ZFP41: variants seen among roughly 807,000 people sequenced by gnomAD.
ZFP41 encodes ZFP41 zinc finger protein.
A neutral mutation model predicts 11.6 loss-of-function variants in ZFP41; 10 were observed. The observed-to-expected ratio is 0.86, with a 90% confidence interval of 0.53 to 1.47. ZFP41 has a LOEUF of 1.47. Ranked by LOEUF, ZFP41 falls within the 40% of genes most tolerant of loss-of-function variation. The pLI is 0.00. For synonymous variants in ZFP41, 123 were observed against 100.9 expected, an observed-to-expected ratio of 1.22 and a Z score of -1.31; for missense variants, 302 against 264.6, an observed-to-expected ratio of 1.14 and a Z score of -0.98.
At chr8:143,257,438 A>G (rs1448834079) in intron 2 of ZFP41, among the ~76,000 whole-genome samples, 1 of 152,234 alleles carries the variant, frequency 6.6e-6, no homozygotes, top group Non-Finnish European at 1.5e-5. Flanking sequence ...CGGAGGTTGC[A>G]GTGAGCCAAG....
At position 143,260,355 on chromosome 8, in the gene ZFP41, A is replaced by G. The variant is rs1342738061; in HGVS notation, c.*1481A>G. 1 of 155,018 alleles carries G rather than the reference A, an allele frequency of 6.5e-6. No individual in the cohort carries two copies. The highest frequency in any genetic ancestry group is 2.4e-5 in the African/African-American group (1 of 41,484). 9.6% of individuals were successfully genotyped at this position (155,018 alleles called of 1,614,324 possible). Reference sequence around the variant, plus strand: ...ACTGTCCTCAGGCCACTGCAGAGCCATCCTAGTGGGGCAGTGGGCGCGGGG... The same window carrying G: ...ACTGTCCTCAGGCCACTGCAGAGCCGTCCTAGTGGGGCAGTGGGCGCGGGG... On this transcript the variant is annotated 3_prime_UTR_variant, in exon 3 of 3. Transcript: ENST00000330701.
chr8:143,253,537 T>C (rs1814830148), intron 2 of ZFP41: 1 of 152,098 alleles, frequency 6.6e-6, no homozygotes, highest in African/African-American at 2.4e-5. Flanking sequence ...CAGATGTCAA[T>C]GGCATATGAA....
Position 143,250,528 on chromosome 8 carries a change from G to C in ZFP41, c.*88G>C. 2 of 1,538,666 alleles carry C rather than the reference G, an allele frequency of 1.3e-6. No individual in the cohort carries two copies. Among genetic ancestry groups the C allele is most frequent in the Non-Finnish European group, 1.7e-6 (2 of 1,143,464 alleles). On this transcript the variant is annotated 3_prime_UTR_variant, in exon 2 of 3. Transcript: ENST00000330701. ...CTCCCTCGTGTCCCGCGTCTGATGG[G>C]GGCGCAGGGCCGTGCGCACTGTGTT... is the stretch of plus-strand genomic sequence containing the variant.
chr8:143,250,314 T>G lies in ZFP41; in HGVS notation c.471T>G (p.Asn157Lys). ...ECGKAFNCGS[N>K]LLKHQKTHTG... ...GGAAAGCCTTTAACTGCGGCTCCAATCTCCTGAAACATCAGAAGACGCACA... is the reference window on the plus strand; with the variant it reads ...GGAAAGCCTTTAACTGCGGCTCCAAGCTCCTGAAACATCAGAAGACGCACA... Residue 157 changes from asparagine to lysine, a missense_variant, in exon 2 of 3, where the codon AAT (asparagine) becomes AAG (lysine). Transcript: ENST00000330701. The G allele has an allele frequency of 1.2e-6, 2 of 1,613,830 alleles. No homozygotes were observed. Among genetic ancestry groups the G allele is most frequent in the Non-Finnish European group, 1.7e-6 (2 of 1,179,990 alleles).
rs1441360019 is a variant in ZFP41, at chr8:143,250,479, C to A, written c.*39C>A. The A allele has an allele frequency of 6.3e-7, 1 of 1,583,244 alleles. No individual in the cohort carries two copies. The highest frequency in any genetic ancestry group is 1.7e-5 in the Admixed American group (1 of 57,870). On this transcript the variant is annotated 3_prime_UTR_variant, in exon 2 of 3. Transcript: ENST00000330701. Reference sequence around the variant, plus strand: ...GCGGACTCGGGCCCTGCGGTGCGAGCCTCGCCGGACACCTGCTCCGTGGCT... The same window carrying A: ...GCGGACTCGGGCCCTGCGGTGCGAGACTCGCCGGACACCTGCTCCGTGGCT...
At chr8:143,251,369 C>G (rs1814750165) in intron 2 of ZFP41, 29 bp downstream of exon 2, 1 of 157,594 alleles carries the variant, frequency 6.3e-6, no homozygotes, top group Admixed American at 6.5e-5. Context: ...TGCCTGTACC[C>G]AGTCCTGTCC....
rs1164079724 is a variant in ZFP41 at position 143,246,982 on chromosome 8, T to C, written c.-315T>C. Reference sequence around the variant, plus strand: ...GGGCCGACGGGGACGCTGGCACTGGTGGGGAGCTGTTGGGGGGTCCCGCAT... The same window carrying C: ...GGGCCGACGGGGACGCTGGCACTGGCGGGGAGCTGTTGGGGGGTCCCGCAT... On this transcript the variant is annotated 5_prime_UTR_variant, in exon 1 of 3. Transcript: ENST00000330701. 1 of 152,364 alleles carries C rather than the reference T, an allele frequency of 6.6e-6. No homozygotes were observed. The highest frequency in any genetic ancestry group is 1.5e-5 in the Non-Finnish European group (1 of 68,184). The allele number at this position is 152,364 out of a possible 1,614,324, so 9.4% of individuals were successfully genotyped here.
chr8:143,252,437 G>A (rs1814788652), intron 2 of ZFP41, among the ~76,000 whole-genome samples: 1 of 152,238 alleles, frequency 6.6e-6, no homozygotes, highest in Admixed American at 6.5e-5. Context: ...TTGGGTTGAG[G>A]CTGTGTTGGC....
At chr8:143,258,402 CAG>C (rs1459257984) in intron 2 of ZFP41, among the ~76,000 whole-genome samples, 1 of 152,158 alleles carries the variant, frequency 6.6e-6, no homozygotes, top group Admixed American at 6.5e-5. Flanking sequence ...GAGAAGGACT[CAG>C]AGATGGCAGA....
chr8:143,252,558 T>G (rs965576274), intron 2 of ZFP41: 1 of 755,842 alleles, frequency 1.3e-6, no homozygotes, highest in Non-Finnish European at 1.6e-6. Flanking sequence ...CCGTGGCGCC[T>G]GTGGCCTCCT....
Position 143,249,965 on chromosome 8 carries a change from C to G in ZFP41, c.122C>G (p.Thr41Ser). ...GACAGAAAGCCACCTGAGAGGCCCA[C>G]TGTGCCCAGGAAGCCCCGCACAGAG... Reference protein sequence around the residue: ...SGDRKPPERPTVPRKPRTEPC... With the variant: ...SGDRKPPERPSVPRKPRTEPC... The change falls in exon 2 of 3, where the codon ACT (threonine) becomes AGT (serine). Residue 41 changes from threonine to serine, a missense_variant. Transcript: ENST00000330701. 6.2e-7 allele frequency: 1 copy of G among 1,614,118 alleles called. No homozygotes were observed. The highest frequency in any genetic ancestry group is 8.5e-7 in the Non-Finnish European group (1 of 1,179,994).
intron 2 of ZFP41, among the ~76,000 whole-genome samples, chr8:143,251,574 C>T (rs771585224): frequency 1.3e-5 from 2 of 152,228 alleles, no homozygotes; most frequent in East Asian, 3.8e-4. Flanking sequence ...ACACTAATCA[C>T]GGCCCTAGTC....
intron 2 of ZFP41, among the ~76,000 whole-genome samples, chr8:143,255,599 C>T (rs1292763598): frequency 2.2e-5 from 3 of 139,070 alleles, no homozygotes; most frequent in African/African-American, 8.3e-5. Flanking sequence ...GCTCGCCCCG[C>T]GTCTAGTGTT....
rs1443788147 is a variant in ZFP41, at chr8:143,262,553, G to A, written c.*3679G>A. On this transcript the variant is annotated 3_prime_UTR_variant, in exon 3 of 3. Transcript: ENST00000330701. Reference sequence around the variant, plus strand: ...GATAAGCATCCGTTTGTTTTCAGCTGCGCTTTCTGTGACTTGCTCTGCGTG... The same window carrying A: ...GATAAGCATCCGTTTGTTTTCAGCTACGCTTTCTGTGACTTGCTCTGCGTG... 1 of 152,342 alleles carries A rather than the reference G, an allele frequency of 6.6e-6. No homozygotes were observed. Among genetic ancestry groups the A allele is most frequent in the Non-Finnish European group, 1.5e-5 (1 of 68,094 alleles). The allele number at this position is 152,342 out of a possible 1,614,324, so 9.4% of individuals were successfully genotyped here.
At chr8:143,255,197 C>T (rs1432498505) in intron 2 of ZFP41, among the ~76,000 whole-genome samples, 2 of 152,214 alleles carry the variant, frequency 1.3e-5, no homozygotes, top group South Asian at 4.1e-4. Context: ...GGGTCAAGAG[C>T]ATAGCTCTCA....
intron 1 of ZFP41, 121 bp from the exon 2 acceptor site, chr8:143,249,569 C>A: frequency 2.7e-6 from 1 of 370,110 alleles, no homozygotes; most frequent in East Asian, 4.5e-5. Flanking sequence ...CCGGGGAGAT[C>A]AGCAATGCCG....
chr8:143,252,301 G>A (rs559233285), intron 2 of ZFP41, among the ~76,000 whole-genome samples: 90 of 152,340 alleles, frequency 5.9e-4, no homozygotes, highest in Non-Finnish European at 1.1e-3. Flanking sequence ...CTCTGAGGTC[G>A]GGTGACACTC....
chr8:143,258,701 C>T (rs1017098433), intron 2 of ZFP41, among the ~76,000 whole-genome samples: 11 of 152,094 alleles, frequency 7.2e-5, no homozygotes. Context: ...CGCAGCGAGA[C>T]CCCATCTCTA....
rs1309211263 is a variant in ZFP41, at chr8:143,259,819, A to G, written c.*945A>G. 1 of 152,304 alleles carries G rather than the reference A, an allele frequency of 6.6e-6. No homozygotes were observed. Among genetic ancestry groups the G allele is most frequent in the East Asian group, 1.9e-4 (1 of 5,200 alleles). 9.4% of individuals were successfully genotyped at this position (152,304 alleles called of 1,614,324 possible). ...CCCAAAGCAAGAAGTTCCAGATGAA[A>G]TATGCATAAGAAGCAGCCTCAAAAC... On this transcript the variant is annotated 3_prime_UTR_variant, in exon 3 of 3. Transcript: ENST00000330701.
Sources: gnomAD v4.1 joint callset for allele counts (sites outside exome capture counted in the v4.1 genomes callset) on GRCh38, gnomAD v4.1.1 for gene constraint, MANE v1.5 for transcripts, NCBI Gene and HGNC (gene_info 2026-07-23, HGNC 2026-07-21) for gene names.